Variants in MFSD6 observed in about 807,000 individuals in gnomAD.
MFSD6 encodes the protein major facilitator superfamily domain containing 6.
MFSD6 carries 26 observed loss-of-function variants against 56.3 expected under a neutral mutation model. The observed-to-expected ratio is 0.46, with a 90% CI of 0.34 to 0.64. The LOEUF (loss-of-function observed/expected upper bound fraction) is 0.64. Among genes scored for constraint, MFSD6 ranks in the 30% least tolerant of loss-of-function variants. MFSD6 has a pLI of 0.01. For synonymous variants in MFSD6, 331 were observed against 366.9 expected (o/e 0.90, Z 1.12); for missense variants, 750 against 986.2 (o/e 0.76, Z 3.21).
chr2:190,408,229 G>A (rs1690382550), upstream of MFSD6: 1 of 152,020 alleles, frequency 6.6e-6, no homozygotes, highest in Non-Finnish European at 1.5e-5. Flanking sequence ...CGGGGCCGGG[G>A]AGGAGGAGGA....
chr2:190,420,754 T>C (rs1303301446), intron 2 of MFSD6, among the ~76,000 whole-genome samples: 2 of 152,222 alleles, frequency 1.3e-5, no homozygotes, highest in African/African-American at 4.8e-5. Context: ...ATTTCATAAC[T>C]GTGTTTATAA....
In MFSD6 at chr2:190,469,996, G is replaced by C; in HGVS notation, c.1630+141G>C. ...TGATTTTGAAGTGGTTGTTAAGGAA[G>C]AGATGACATCAGGAGGGATGGTTCC... On this transcript the variant is annotated intron_variant, in intron 4 of 7. Transcript: ENST00000392328. The surrounding 1 kb of genome is among the most constrained non-coding windows in gnomAD (Gnocchi z 5.3). 5.0e-6 allele frequency: 3 copies of C among 597,798 alleles called. No individual in the cohort carries two copies. The highest frequency in any genetic ancestry group is 5.7e-6 in the Non-Finnish European group (2 of 348,632). 37.0% of individuals were successfully genotyped at this position (597,798 alleles called of 1,614,324 possible). A position where few individuals can be genotyped will look rare whatever the true frequency, so the allele number is the denominator to read the frequency against.
At chr2:190,483,084 G>A (rs1387967697) in intron 4 of MFSD6, among the ~76,000 whole-genome samples, 1 of 150,580 alleles carries the variant, frequency 6.6e-6, no homozygotes, top group Non-Finnish European at 1.5e-5. Context: ...AGTAGAGACG[G>A]GGTTTCACCT....
chr2:190,497,604 C>A lies in MFSD6; in HGVS notation c.2057C>A (p.Pro686Gln). Reference protein sequence around the residue: ...HQEEQEDVNKPAWGVSSSPWV... With the variant: ...HQEEQEDVNKQAWGVSSSPWV... The stretch of plus-strand genomic sequence containing the variant: ...GAAGAACAGGAAGATGTGAACAAAC[C>A]AGCCTGGGGAGTCAGCTCTTCTCCC... Residue 686 changes from proline to glutamine, a missense_variant, in exon 7 of 8, where the codon CCA (proline) becomes CAA (glutamine). By Grantham distance (76) the Pro-to-Gln change is moderately conservative. This residue lies in a region of MFSD6 where 172 missense variants were observed against 203.9 expected (regional missense o/e 0.84). Coordinates refer to ENST00000392328, the MANE Select transcript of MFSD6 (RefSeq NM_017694.4). The surrounding 1 kb of genome is among the most constrained non-coding windows in gnomAD (Gnocchi z 5.2). 2 of 1,614,146 alleles carry A rather than the reference C, an allele frequency of 1.2e-6. No individual in the cohort carries two copies. Among genetic ancestry groups the A allele is most frequent in the Non-Finnish European group, 1.7e-6 (2 of 1,180,026 alleles).
chr2:190,452,286 CAAT>C (rs761461011), intron 3 of MFSD6, among the ~76,000 whole-genome samples: 17 of 152,000 alleles, frequency 1.1e-4, no homozygotes, highest in African/African-American at 2.2e-4. Flanking sequence ...ACAACAACAA[CAAT>C]AACAAAACTC....
intron 2 of MFSD6, among the ~76,000 whole-genome samples, chr2:190,430,092 T>C (rs1478665651): frequency 6.6e-6 from 1 of 151,034 alleles, no homozygotes; most frequent in African/African-American, 2.4e-5. Flanking sequence ...TGAGAACATG[T>C]GGTGTTTGGT....
chr2:190,480,994 G>C (rs565984627), intron 4 of MFSD6, among the ~76,000 whole-genome samples: 2 of 152,222 alleles, frequency 1.3e-5, no homozygotes, highest in South Asian at 4.1e-4. Flanking sequence ...GAAGCCTAAT[G>C]ACCAAAGCGT....
intron 3 of MFSD6, chr2:190,445,019 C>T: frequency 4.5e-6 from 1 of 223,724 alleles, no homozygotes; most frequent in Non-Finnish European, 7.5e-6. Flanking sequence ...GGATACAAGC[C>T]TGAAGTCTTG....
intron 3 of MFSD6, among the ~76,000 whole-genome samples, chr2:190,468,340 CT>C (rs1687715345): frequency 6.6e-6 from 1 of 151,910 alleles, no homozygotes; most frequent in African/African-American, 2.4e-5. Context: ...TCTTTTTTGT[CT>C]TTTCTTCATC....
chr2:190,449,881 G>A (rs1456718575), intron 3 of MFSD6, among the ~76,000 whole-genome samples: 19 of 152,048 alleles, frequency 1.2e-4, no homozygotes, highest in Admixed American at 8.5e-4. Flanking sequence ...GGGGAAGGGG[G>A]GAGGAATAGC....
Position 190,438,274 on chromosome 2 carries a change from G to A in MFSD6, c.1532+713G>A, listed in dbSNP as rs1686247498. 6.6e-6 allele frequency among the ~76,000 whole-genome samples: 1 copy of A among 151,846 alleles called. No homozygotes were observed. Among genetic ancestry groups the A allele is most frequent in the Admixed American group, 6.6e-5 (1 of 15,260 alleles). ...TCACACCTGCTAATCCCAGCACTTTGAGAGGCCGAGGCAGGTGGATCACTT... is the reference window on the plus strand; with the variant it reads ...TCACACCTGCTAATCCCAGCACTTTAAGAGGCCGAGGCAGGTGGATCACTT... On this transcript the variant is annotated intron_variant, in intron 3 of 7. Coordinates refer to ENST00000392328, the MANE Select transcript of MFSD6 (RefSeq NM_017694.4). The surrounding 1 kb of genome is among the most constrained non-coding windows in gnomAD (Gnocchi z 5.2).
Position 190,469,846 on chromosome 2 carries a change from G to C in MFSD6, c.1621G>C (p.Val541Leu), listed in dbSNP as rs1687816529. The change falls in exon 4 of 8, where the codon GTT becomes CTT. Residue 541 changes from valine to leucine, a missense_variant. By Grantham distance (32) the Val-to-Leu change is conservative. This residue lies in a region of MFSD6 where 125 missense variants were observed against 223.1 expected (regional missense o/e 0.56). Coordinates refer to ENST00000392328, the MANE Select transcript of MFSD6 (RefSeq NM_017694.4). This position sits in a 1 kb window ranked among gnomAD's most constrained non-coding sequence, Gnocchi z 5.3. ...ENAWTVLPME[V>L]LQGVTHAAIW... ...TGCCTGGACTGTTCTCCCCATGGAA[G>C]TTCTTCAAGGTAAGTTAACAGCTGG... The C allele has an allele frequency of 3.1e-6, 5 of 1,597,254 alleles. No homozygotes were observed. The highest frequency in any genetic ancestry group is 1.3e-5 in the African/African-American group (1 of 74,312).
chr2:190,482,924 G>A (rs554811572), intron 4 of MFSD6, among the ~76,000 whole-genome samples: 5 of 103,842 alleles, frequency 4.8e-5, no homozygotes, highest in South Asian at 3.4e-4. Flanking sequence ...TCACTCTGTC[G>A]CCCAGGCCGG....
rs765588203 is a variant in MFSD6 at position 190,436,497 on chromosome 2, CTTGAGATGTGT to C, written c.469_479del (p.Leu157ThrfsTer37). The C allele has an allele frequency of 6.2e-7, 1 of 1,614,218 alleles. No individual in the cohort carries two copies. The highest frequency in any genetic ancestry group is 1.1e-5 in the South Asian group (1 of 91,084). Reference sequence around the variant, plus strand: ...GCATTGGATTTGTCAAACCTGCTACCTTGAGATGTGTACCAAAGATTCGCCCAACAACTCAC... The same window carrying C: ...GCATTGGATTTGTCAAACCTGCTACCACCAAAGATTCGCCCAACAACTCAC... On this transcript the variant is annotated frameshift_variant, in exon 3 of 8. Transcript: ENST00000392328. LOFTEE classifies it high-confidence loss of function. The surrounding 1 kb of genome is among the most constrained non-coding windows in gnomAD (Gnocchi z 5.3).
chr2:190,424,936 A>G lies in MFSD6; in HGVS notation c.-54+9523A>G, dbSNP rs924278293. Among the ~76,000 whole-genome samples the G allele has an allele frequency of 8.5e-5, 13 of 152,208 alleles. No individual in the cohort carries two copies. Among genetic ancestry groups the G allele is most frequent in the African/African-American group, 3.1e-4 (13 of 41,456 alleles). On this transcript the variant is annotated intron_variant, in intron 2 of 7. Transcript: ENST00000392328. The surrounding 1 kb of genome is among the most constrained non-coding windows in gnomAD (Gnocchi z 5.9). ...ATATCTACAAAAATATGTTGCTGAG[A>G]TTTTGATAGGAGTTGTGTTAAACCT...
Position 190,487,933 on chromosome 2 carries a change from G to T in MFSD6, c.1631-724G>T, listed in dbSNP as rs1371888674. Among the ~76,000 whole-genome samples, 2 of 152,022 alleles carry T rather than the reference G, an allele frequency of 1.3e-5. No individual in the cohort carries two copies. Among genetic ancestry groups the T allele is most frequent in the African/African-American group, 4.8e-5 (2 of 41,382 alleles). ...TTTTTCTTTTTTGAGACAGAATCTT[G>T]CTCTGTTGCCAGGCTGGGGAGTGCA... is the stretch of plus-strand genomic sequence containing the variant. On this transcript the variant is annotated intron_variant, in intron 4 of 7. Transcript: ENST00000392328. This position sits in a 1 kb window ranked among gnomAD's most constrained non-coding sequence, Gnocchi z 5.5.
At chr2:190,421,100 C>T (rs1304273648) in intron 2 of MFSD6, among the ~76,000 whole-genome samples, 1 of 152,142 alleles carries the variant, frequency 6.6e-6, no homozygotes, top group Admixed American at 6.5e-5. Context: ...AGTCACTCAT[C>T]AAGGTTTACA....
rs1685678620 is a variant in MFSD6, at chr2:190,423,038, G to C, written c.-54+7625G>C. On this transcript the variant is annotated intron_variant, in intron 2 of 7. Transcript: ENST00000392328. The surrounding 1 kb of genome is among the most constrained non-coding windows in gnomAD (Gnocchi z 4.3). ...CCTTCTAGTCACTATCTCCCTTAAG[G>C]GTAACCCCTATCCTAACTTCTTTTA... Among the ~76,000 whole-genome samples, 1 of 151,982 alleles carries C rather than the reference G, an allele frequency of 6.6e-6. No homozygotes were observed. Among genetic ancestry groups the C allele is most frequent in the Non-Finnish European group, 1.5e-5 (1 of 67,994 alleles).
chr2:190,428,625 G>A (rs1045893149), intron 2 of MFSD6, among the ~76,000 whole-genome samples: 3 of 151,942 alleles, frequency 2.0e-5, no homozygotes, highest in African/African-American at 7.3e-5. Flanking sequence ...TGAGTATCAT[G>A]TTGGCACTCA....
Sources: gnomAD v4.1 joint callset for allele counts (sites outside exome capture counted in the v4.1 genomes callset) on GRCh38, gnomAD v4.1.1 for gene constraint, gnomAD v4.1.1 regional missense constraint, Gnocchi (gnomAD v3.1) non-coding constraint, MANE v1.5 for transcripts, NCBI Gene and HGNC (gene_info 2026-07-23, HGNC 2026-07-21) for gene names.